The following DCLK2 variants were observed in gnomAD, a reference collection of about 807,000 sequenced individuals.
The protein encoded by DCLK2 is serine/threonine-protein kinase DCLK2.
DCLK2 carries 31 observed loss-of-function variants against 78.4 expected under a neutral mutation model. The observed-to-expected ratio is 0.40, with a 90% confidence interval of 0.30 to 0.53. The LOEUF (loss-of-function observed/expected upper bound fraction) is 0.53. Ranked by LOEUF, DCLK2 falls within the 20% of genes least tolerant of loss-of-function variation. The probability of loss-of-function intolerance (pLI) is 0.61; values close to 1 mark genes in which losing one functional copy is unlikely to be tolerated. For missense variants in DCLK2, 872 were observed against 973.7 expected, an observed-to-expected ratio of 0.90 and a Z score of 1.39; for synonymous variants, 407 against 374.9, an observed-to-expected ratio of 1.09 and a Z score of -0.99.
intron 5 of DCLK2, among the ~76,000 whole-genome samples, chr4:150,210,948 C>CA (rs1406606300): frequency 0.35 from 27,921 of 79,698 alleles, 3,505 homozygotes; most frequent in East Asian, 0.4. Context: ...GACTCTGTCT[C>CA]AAAAAAAAAA....
chr4:150,157,732 T>C (rs1281411922), intron 2 of DCLK2, among the ~76,000 whole-genome samples: 13 of 152,118 alleles, frequency 8.5e-5, no homozygotes. Context: ...AGGCTGGTCT[T>C]GAACTTCTGA....
At chr4:150,147,281 G>C (rs1734549585) in intron 2 of DCLK2, among the ~76,000 whole-genome samples, 2 of 152,118 alleles carry the variant, frequency 1.3e-5, no homozygotes, top group African/African-American at 4.8e-5. Flanking sequence ...CTGGGCAACA[G>C]AGCAAGACCC....
intron 2 of DCLK2, among the ~76,000 whole-genome samples, chr4:150,114,337 T>G (rs1731915274): frequency 6.6e-6 from 1 of 152,230 alleles, no homozygotes; most frequent in Non-Finnish European, 1.5e-5. Context: ...GTGTTGTTAG[T>G]GGAGTGTTGC....
chr4:150,104,248 TGTG>T (rs1731080075), intron 2 of DCLK2, among the ~76,000 whole-genome samples: 1 of 151,482 alleles, frequency 6.6e-6, no homozygotes, highest in African/African-American at 2.4e-5. Flanking sequence ...TGTGGTCAGG[TGTG>T]GTGGTGCACT....
At position 150,197,993 on chromosome 4, in the gene DCLK2, C is replaced by T. The variant is rs779253127; in HGVS notation, c.860-9C>T. 1 of 1,603,004 alleles carries T rather than the reference C, an allele frequency of 6.2e-7. No homozygotes were observed. Among genetic ancestry groups the T allele is most frequent in the Non-Finnish European group, 8.5e-7 (1 of 1,176,902 alleles). On this transcript the variant is annotated splice_polypyrimidine_tract_variant and intron_variant, in intron 3 of 15. Transcript: ENST00000296550. ...CAGATTTAGTTAATGCACTTTTGTT[C>T]TTTTCTAGAATGTCGTGTCCTGAAG...
intron 4 of DCLK2, chr4:150,199,093 T>C (rs1739279078): frequency 2.5e-6 from 4 of 1,593,230 alleles, no homozygotes; most frequent in Non-Finnish European, 3.4e-6. Flanking sequence ...GCCATGACTA[T>C]TGTGGCTTTG....
intron 13 of DCLK2, among the ~76,000 whole-genome samples, chr4:150,247,911 C>G (rs1367783810): frequency 6.6e-6 from 1 of 152,212 alleles, no homozygotes; most frequent in Non-Finnish European, 1.5e-5. Context: ...TTCCCTCCAT[C>G]CTCTTGTGCT....
At chr4:150,156,260 C>T (rs1735262186) in intron 2 of DCLK2, among the ~76,000 whole-genome samples, 1 of 151,954 alleles carries the variant, frequency 6.6e-6, no homozygotes, top group Non-Finnish European at 1.5e-5. Context: ...TAAAAACTGA[C>T]AAGATCCTGA....
chr4:150,105,974 A>G (rs1731222138), intron 2 of DCLK2, among the ~76,000 whole-genome samples: 1 of 152,228 alleles, frequency 6.6e-6, no homozygotes, highest in African/African-American at 2.4e-5. Flanking sequence ...TATCTGCTCA[A>G]AAACAAAAAC....
chr4:150,170,789 T>C (rs183757027), intron 2 of DCLK2, among the ~76,000 whole-genome samples: 1 of 151,442 alleles, frequency 6.6e-6, no homozygotes, highest in Non-Finnish European at 1.5e-5. Context: ...CCTTCATTCT[T>C]GGAAAAAAAC....
chr4:150,141,450 A>AGAAGAATAAGCACTTT (rs1350003706), intron 2 of DCLK2, among the ~76,000 whole-genome samples: 1 of 152,208 alleles, frequency 6.6e-6, no homozygotes, highest in Non-Finnish European at 1.5e-5. Flanking sequence ...GTGCTGAAAC[A>AGAAGAATAAGCACTTT]GAAGAATAAG....
intron 15 of DCLK2, among the ~76,000 whole-genome samples, chr4:150,251,956 CCAGA>C (rs1445807032): frequency 2.6e-5 from 4 of 152,036 alleles, no homozygotes; most frequent in Admixed American, 2.6e-4. Flanking sequence ...CTCTCCCTCT[CCAGA>C]CAGAGCCTGG....
intron 8 of DCLK2, among the ~76,000 whole-genome samples, chr4:150,226,379 AC>A (rs1161178605): frequency 6.6e-6 from 1 of 152,126 alleles, no homozygotes; most frequent in Admixed American, 6.6e-5. Context: ...TAGCGATATT[AC>A]TAATGTTTTT....
intron 2 of DCLK2, among the ~76,000 whole-genome samples, chr4:150,144,442 C>T (rs11730507): frequency 0.3 from 45,218 of 151,902 alleles, 6,834 homozygotes; most frequent in East Asian, 0.34. Context: ...GATCCGTGTG[C>T]ATATTTTTGT....
At chr4:150,139,733 T>C (rs1042214002) in intron 2 of DCLK2, among the ~76,000 whole-genome samples, 1 of 152,202 alleles carries the variant, frequency 6.6e-6, no homozygotes, top group Non-Finnish European at 1.5e-5. Context: ...AGTTGACTAT[T>C]GCCAGGAAAA....
At position 150,152,375 on chromosome 4, in the gene DCLK2, C is replaced by T. The variant is rs190550411; in HGVS notation, c.757-40763C>T. 4.3e-3 allele frequency among the ~76,000 whole-genome samples: 655 copies of T among 152,274 alleles called. 1 individual carries two copies. The highest frequency in any genetic ancestry group is 6.2e-3 in the Non-Finnish European group (425 of 68,022). On this transcript the variant is annotated intron_variant, in intron 2 of 15. Coordinates refer to ENST00000296550, the MANE Select transcript of DCLK2 (RefSeq NM_001040260.4). ...TGGCTCACTGCAACCTCCACCTCCC[C>T]GGTTCAAGAGATTTTCCTGCCTCAG...
intron 14 of DCLK2, among the ~76,000 whole-genome samples, chr4:150,249,206 A>C (rs1743558642): frequency 6.6e-6 from 1 of 152,142 alleles, no homozygotes; most frequent in African/African-American, 2.4e-5. Context: ...TTAAAGTGAA[A>C]AACAATGATC....
At chr4:150,170,652 G>C (rs1438326864) in intron 2 of DCLK2, among the ~76,000 whole-genome samples, 2 of 152,130 alleles carry the variant, frequency 1.3e-5, no homozygotes, top group Non-Finnish European at 2.9e-5. Flanking sequence ...TAGTTTACTT[G>C]GTCTGATATC....
intron 7 of DCLK2, among the ~76,000 whole-genome samples, 196 bp from the exon 8 acceptor site, chr4:150,224,305 C>T (rs908229632): frequency 2.0e-5 from 3 of 151,310 alleles, no homozygotes; most frequent in Non-Finnish European, 2.9e-5. Context: ...TGGTGGCTCA[C>T]GCCTGTAATC....
Sources: gnomAD v4.1 joint callset for allele counts (sites outside exome capture counted in the v4.1 genomes callset) on GRCh38, gnomAD v4.1.1 for gene constraint, MANE v1.5 for transcripts, NCBI Gene and HGNC (gene_info 2026-07-23, HGNC 2026-07-21) for gene names.